EPB41L5: variants seen among roughly 807,000 people sequenced by gnomAD.
EPB41L5 encodes erythrocyte membrane protein band 4.1 like 5, also known as band 4.1-like protein 5.
EPB41L5 carries 55 observed loss-of-function variants against 106.6 expected under a neutral mutation model. The ratio of observed to expected loss-of-function variants is 0.52; its 90% confidence interval spans 0.42 to 0.65. EPB41L5 has a LOEUF of 0.65. EPB41L5 is among the 30% of genes least tolerant of loss of function. The pLI is 0.00. For missense variants in EPB41L5, 871 were observed against 882.1 expected (o/e 0.99, Z 0.16); for synonymous variants, 297 against 306.7 (o/e 0.97, Z 0.33).
intron 2 of EPB41L5, among the ~76,000 whole-genome samples, chr2:120,025,085 G>T (rs1402984911): frequency 6.6e-6 from 1 of 152,166 alleles, no homozygotes; most frequent in East Asian, 1.9e-4. Flanking sequence ...GCTCCTCTTT[G>T]TACCTCTGGT....
At chr2:120,143,229 A>G in intron 19 of EPB41L5, 98 bp downstream of exon 19, 1 of 1,292,028 alleles carries the variant, frequency 7.7e-7, no homozygotes. Context: ...AGCTAGATTA[A>G]TGGTGCAGTC....
Position 120,047,846 on chromosome 2 carries a change from G to A in EPB41L5, c.285+5736G>A, listed in dbSNP as rs369355719. On this transcript the variant is annotated intron_variant, in intron 3 of 24. Coordinates refer to ENST00000263713, the MANE Select transcript of EPB41L5 (RefSeq NM_020909.4). ...TTTGAGATACTTTCATCAATACCTA[G>A]TTTATTGGGAGTTTTTAGCACGAAG... 2.3e-4 allele frequency among the ~76,000 whole-genome samples: 35 copies of A among 152,260 alleles called. 1 individual carries two copies. In the East Asian group the frequency reaches 3.9e-3, roughly 17 times the overall value.
chr2:120,103,227 C>T (rs1243328468), intron 16 of EPB41L5, among the ~76,000 whole-genome samples: 1 of 152,004 alleles, frequency 6.6e-6, no homozygotes, highest in Admixed American at 6.6e-5. Flanking sequence ...TATATGCTGC[C>T]CTTTCTGCCA....
At chr2:120,066,604 G>C (rs1291239043) in intron 3 of EPB41L5, among the ~76,000 whole-genome samples, 1 of 152,172 alleles carries the variant, frequency 6.6e-6, no homozygotes, top group Non-Finnish European at 1.5e-5. Flanking sequence ...ATTTCTAGGT[G>C]TAGAATTGCT....
chr2:120,080,315 T>A (rs541842922), intron 10 of EPB41L5, among the ~76,000 whole-genome samples: 2 of 151,962 alleles, frequency 1.3e-5, no homozygotes, highest in South Asian at 4.2e-4. Context: ...TGTCCAAGTG[T>A]TCTCATTGTT....
At position 120,016,686 on chromosome 2, in the gene EPB41L5, C is replaced by T. The variant is rs772703117; in HGVS notation, c.-8-2391C>T. ...TTGTTCTTTTTTTGATGTAGAGTCTCAGTCTCACTCAGGTTGGAGTGCACT... is the reference window on the plus strand; with the variant it reads ...TTGTTCTTTTTTTGATGTAGAGTCTTAGTCTCACTCAGGTTGGAGTGCACT... On this transcript the variant is annotated intron_variant, in intron 1 of 24. Transcript: ENST00000263713. 9.0e-4 allele frequency among the ~76,000 whole-genome samples: 136 copies of T among 151,926 alleles called. 3 individuals carry two copies. Among genetic ancestry groups the T allele is most frequent in the Non-Finnish European group, 2.5e-4 (17 of 68,002 alleles).
chr2:120,047,732 C>T (rs1679905068), intron 3 of EPB41L5, among the ~76,000 whole-genome samples: 3 of 152,156 alleles, frequency 2.0e-5, no homozygotes, highest in Non-Finnish European at 2.9e-5. Flanking sequence ...GCATCCCTGT[C>T]TTGTGCCAGT....
At chr2:120,098,432 C>T (rs1329487887) in intron 14 of EPB41L5, among the ~76,000 whole-genome samples, 1 of 152,068 alleles carries the variant, frequency 6.6e-6, no homozygotes, top group Admixed American at 6.6e-5. Context: ...AGGCTGGTCT[C>T]AAAGTCCTAG....
chr2:120,079,682 A>G (rs1682508293), intron 10 of EPB41L5, among the ~76,000 whole-genome samples: 1 of 151,994 alleles, frequency 6.6e-6, no homozygotes, highest in Admixed American at 6.6e-5. Context: ...CTTTTTAGCT[A>G]TTTGTTTTTG....
At chr2:120,046,125 A>G (rs1209255410) in intron 3 of EPB41L5, among the ~76,000 whole-genome samples, 1 of 152,166 alleles carries the variant, frequency 6.6e-6, no homozygotes, top group Non-Finnish European at 1.5e-5. Flanking sequence ...ATACGTGTGC[A>G]TGTGTCTTTA....
intron 16 of EPB41L5, among the ~76,000 whole-genome samples, chr2:120,118,428 A>G (rs1350767587): frequency 6.6e-6 from 1 of 152,132 alleles, no homozygotes; most frequent in Non-Finnish European, 1.5e-5. Flanking sequence ...AATGTGTGCC[A>G]TGGTGTTTTG....
chr2:120,049,077 TC>T (rs1292992860), intron 3 of EPB41L5, among the ~76,000 whole-genome samples: 1 of 152,230 alleles, frequency 6.6e-6, no homozygotes, highest in African/African-American at 2.4e-5. Context: ...GTGCTTTACT[TC>T]CAACTATGTG....
intron 23 of EPB41L5, 30 bp from the exon 24 acceptor site, chr2:120,167,847 T>C (rs1042053291): frequency 1.2e-6 from 2 of 1,613,494 alleles, no homozygotes; most frequent in African/African-American, 2.7e-5. Context: ...ATTGTTACCC[T>C]GTATTTAGTT....
At chr2:120,085,034 T>C (rs1265574877) in intron 10 of EPB41L5, among the ~76,000 whole-genome samples, 3 of 152,174 alleles carry the variant, frequency 2.0e-5, no homozygotes, top group Non-Finnish European at 2.9e-5. Context: ...TGTCTAATCT[T>C]TTTTCAAGGT....
At chr2:120,120,884 G>A (rs1226324544) in intron 16 of EPB41L5, among the ~76,000 whole-genome samples, 4 of 152,218 alleles carry the variant, frequency 2.6e-5, no homozygotes, top group Admixed American at 1.3e-4. Flanking sequence ...GGGAGGCCGA[G>A]GCGGGCAGCT....
chr2:120,054,974 C>G (rs556729106), intron 3 of EPB41L5, among the ~76,000 whole-genome samples: 2 of 150,526 alleles, frequency 1.3e-5, no homozygotes, highest in East Asian at 2.0e-4. Context: ...CCAAGTGATT[C>G]TCCTGCCTCA....
At chr2:120,033,708 CAAAAAA>C (rs3084761) in intron 2 of EPB41L5, among the ~76,000 whole-genome samples, 2 of 97,356 alleles carry the variant, frequency 2.1e-5, no homozygotes, top group African/African-American at 4.1e-5. Context: ...AACTCCATCT[CAAAAAA>C]AAAAAAAAAA....
chr2:120,057,405 G>C (rs562143921), intron 3 of EPB41L5, among the ~76,000 whole-genome samples: 2 of 152,246 alleles, frequency 1.3e-5, no homozygotes, highest in East Asian at 3.9e-4. Flanking sequence ...CTTAAACTTA[G>C]AGTTATGAAA....
intron 2 of EPB41L5, among the ~76,000 whole-genome samples, chr2:120,019,855 C>G (rs1677806254): frequency 6.6e-6 from 1 of 152,108 alleles, no homozygotes; most frequent in Admixed American, 6.5e-5. Flanking sequence ...GTTTTTCATA[C>G]ACTGTAGTCT....
Sources: allele counts gnomAD v4.1 joint callset (sites outside exome capture counted in the v4.1 genomes callset), GRCh38; gene constraint gnomAD v4.1.1; transcripts MANE v1.5; gene names NCBI Gene and HGNC (gene_info 2026-07-23, HGNC 2026-07-21).